Variants in FLII observed in about 807,000 individuals in gnomAD.
FLII encodes the protein FLII actin remodeling protein, also known as protein flightless-1 homolog.
A neutral mutation model predicts 156.2 loss-of-function variants in FLII; 101 were observed. The observed-to-expected ratio is 0.65, with a 90% CI of 0.55 to 0.76. The LOEUF (loss-of-function observed/expected upper bound fraction) is 0.76. Ranked by LOEUF, FLII falls within the 30% of genes least tolerant of loss-of-function variation. The pLI is 0.00. For missense variants in FLII, 1,675 were observed against 1,682.8 expected, an observed-to-expected ratio of 1.00 and a Z score of 0.08; for synonymous variants, 767 against 685.8, an observed-to-expected ratio of 1.12 and a Z score of -1.85.
Position 18,246,607 on chromosome 17 carries a change from G to A in FLII, c.3038C>T (p.Pro1013Leu), listed in dbSNP as rs1567705494. Reference sequence around the variant, plus strand: ...TGCCAGGCACACCTCCAGCTTCCCAGGGAAGAGGCTCTCGAACTTCTTTTG... The same window carrying A: ...TGCCAGGCACACCTCCAGCTTCCCAAGGAAGAGGCTCTCGAACTTCTTTTG... ...SLQKKFESLF[P>L]GKLEVVRMTQ... is the part of the protein sequence containing the mutation. The change falls in exon 23 of 30, where the codon CCT becomes CTT. Residue 1013 changes from proline (P) to leucine (L), a missense_variant. Pro to Leu is a moderately conservative substitution (Grantham distance 98, BLOSUM62 -3). Coordinates refer to ENST00000327031, the MANE Select transcript of FLII (RefSeq NM_002018.4). 6.2e-7 allele frequency: 1 copy of A among 1,613,958 alleles called. No individual in the cohort carries two copies. The highest frequency in any genetic ancestry group is 1.1e-5 in the South Asian group (1 of 91,064).
chr17:18,252,646 G>A (rs2048305378), intron 9 of FLII, 90 bp from the exon 10 acceptor site: 2 of 1,026,970 alleles, frequency 1.9e-6, no homozygotes, highest in Admixed American at 1.7e-5. Flanking sequence ...AGGGGAGGCA[G>A]GTAGGGTCAG....
In FLII at chr17:18,251,713, T is replaced by C; in HGVS notation, c.1350A>G (p.Ser450=). ...DQAKQVLKGM[S]DVAQEKNKKQ... Reference sequence around the variant, plus strand: ...TTTTGTTCTTCTCCTGGGCAACATCTGACATGCCCTTCAGCACCTGCTTGG... The same window carrying C: ...TTTTGTTCTTCTCCTGGGCAACATCCGACATGCCCTTCAGCACCTGCTTGG... The change falls in exon 12 of 30, where the codon TCA becomes TCG. Residue 450 remains serine (S), a synonymous_variant. Coordinates refer to ENST00000327031, the MANE Select transcript of FLII (RefSeq NM_002018.4). 1 of 1,614,046 alleles carries C rather than the reference T, an allele frequency of 6.2e-7. No homozygotes were observed. Among genetic ancestry groups the C allele is most frequent in the Non-Finnish European group, 8.5e-7 (1 of 1,180,020 alleles).
At chr17:18,255,561 G>A (rs960577338) in intron 3 of FLII, among the ~76,000 whole-genome samples, 6 of 152,170 alleles carry the variant, frequency 3.9e-5, no homozygotes, top group Non-Finnish European at 7.3e-5. Flanking sequence ...AGGTGAGATA[G>A]GGGTAAGGTC....
Position 18,246,530 on chromosome 17 carries a change from G to T in FLII, c.3051+64C>A, listed in dbSNP as rs748231034. The stretch of plus-strand genomic sequence containing the variant: ...CCTGCCCCTCGGGAGCCTAACCTTC[G>T]CTGGGTCTGAGCCCCACCACACCCC... On this transcript the variant is annotated intron_variant, in intron 23 of 29. Transcript: ENST00000327031. 4 of 1,611,474 alleles carry T rather than the reference G, an allele frequency of 2.5e-6. No individual in the cohort carries two copies. The African/African-American group carries it at 4.0e-5, about 16-fold the overall frequency.
intron 14 of FLII, 74 bp from the exon 15 acceptor site, chr17:18,249,482 G>C (rs749977009): frequency 1.0e-4 from 116 of 1,159,724 alleles, no homozygotes; most frequent in Non-Finnish European, 1.5e-4. Flanking sequence ...CTCAGGTGGG[G>C]GTACAGAGTT....
At chr17:18,253,244 G>T in intron 9 of FLII, 57 bp downstream of exon 9, 2 of 1,593,234 alleles carry the variant, frequency 1.3e-6, no homozygotes, top group Non-Finnish European at 1.7e-6. Context: ...CTCTGACTAC[G>T]ATCCCGGGGT....
At position 18,253,392 on chromosome 17, in the gene FLII, C is replaced by T. The variant is rs780129321; in HGVS notation, c.922G>A (p.Gly308Arg). Residue 308 changes from glycine (G) to arginine (R), a missense_variant, in exon 9 of 30, where the codon GGG becomes AGG. Gly to Arg is a moderately radical substitution (Grantham distance 125, BLOSUM62 -2). Around this residue, in one of 2 missense-constraint regions of FLII, gnomAD observed 343 missense variants for 413.5 expected, o/e 0.83. Transcript: ENST00000327031. ...YLNSNKLDFD[G>R]LPSGIGKLTN... ...AGCTTGCCAATGCCTGAGGGCAGCCCGTCAAAGTCCAGCTTGTTGGAATTC... is the reference window on the plus strand; with the variant it reads ...AGCTTGCCAATGCCTGAGGGCAGCCTGTCAAAGTCCAGCTTGTTGGAATTC... 4.3e-6 allele frequency: 7 copies of T among 1,613,882 alleles called. No individual in the cohort carries two copies. The highest frequency in any genetic ancestry group is 1.1e-5 in the South Asian group (1 of 91,076).
intron 3 of FLII, among the ~76,000 whole-genome samples, chr17:18,255,926 C>T (rs891815234): frequency 6.6e-6 from 1 of 152,228 alleles, no homozygotes; most frequent in Non-Finnish European, 1.5e-5. Flanking sequence ...GTGGCAAAGC[C>T]CAGCTTTGAA....
Position 18,245,537 on chromosome 17 carries a change from C to G in FLII, c.3609+18G>C, listed in dbSNP as rs756767800. 2.3e-5 allele frequency: 37 copies of G among 1,612,048 alleles called. 1 individual carries two copies. The South Asian group carries it at 3.6e-4, about 16-fold the overall frequency. ...TGGGCGCCTCCTTGGATGGGCAGGG[C>G]TAGTGGCAACATCACACCTCTTGGC... On this transcript the variant is annotated intron_variant, in intron 28 of 29. Transcript: ENST00000327031.
At position 18,251,425 on chromosome 17, in the gene FLII, C is replaced by T; in HGVS notation, c.1436G>A (p.Gly479Asp). 1.2e-6 allele frequency: 2 copies of T among 1,612,806 alleles called. No individual in the cohort carries two copies. Among genetic ancestry groups the T allele is most frequent in the Non-Finnish European group, 1.7e-6 (2 of 1,179,776 alleles). ...PSGKVRRWDQ[G>D]LEKPRLDYSE... ...GTAGTCAAGGCGGGGCTTCTCCAGG[C>T]CCTGGTCCCAACGCCGCACCTTCCC... The change falls in exon 13 of 30, where the codon GGC becomes GAC. Residue 479 changes from glycine (G) to aspartate (D), a missense_variant. Physicochemically the swap from Gly to Asp is moderately conservative, Grantham distance 94. This residue lies in a region of FLII where 1,332 missense variants were observed against 1,269.3 expected (regional missense o/e 1.05). Coordinates refer to ENST00000327031, the MANE Select transcript of FLII (RefSeq NM_002018.4).
chr17:18,258,700 C>T lies in FLII; in HGVS notation c.-10G>A. 1 of 1,477,874 alleles carries T rather than the reference C, an allele frequency of 6.8e-7. No individual in the cohort carries two copies. The highest frequency in any genetic ancestry group is 8.9e-7 in the Non-Finnish European group (1 of 1,120,816). 91.5% of individuals were successfully genotyped at this position (1,477,874 alleles called of 1,614,324 possible). On this transcript the variant is annotated 5_prime_UTR_variant, in exon 1 of 30. Transcript: ENST00000327031. This position sits in a 1 kb window ranked among gnomAD's most constrained non-coding sequence, Gnocchi z 4.2. ...CCCCGGTGGCCTCCATGGCGCCGCT[C>T]TCGCTGCCGGGCCGCGCCGGGCTAG...
chr17:18,249,265 C>A, intron 15 of FLII, 61 bp downstream of exon 15: 1 of 1,609,658 alleles, frequency 6.2e-7, no homozygotes, highest in South Asian at 1.1e-5. Context: ...CCAACACCCT[C>A]CCCTCCACCC....
At position 18,248,704 on chromosome 17, in the gene FLII, AT is replaced by A; in HGVS notation, c.2035del (p.Ile679LeufsTer81). ...CTTCCCTTTCCGCTCATTCTTGTTA[AT>A]TTTCTCTGCAAAGAGCCTGAGAGCA... ...TTKARLFAEKINKNERKGKAE... is the reference protein window; with the variant it reads ...TTKARLFAEKXNKNERKGKAE... On this transcript the variant is annotated frameshift_variant, in exon 18 of 30. Coordinates refer to ENST00000327031, the MANE Select transcript of FLII (RefSeq NM_002018.4). LOFTEE classifies it high-confidence loss of function. The A allele has an allele frequency of 6.2e-7, 1 of 1,613,390 alleles. No individual in the cohort carries two copies. The highest frequency in any genetic ancestry group is 8.5e-7 in the Non-Finnish European group (1 of 1,179,576).
At chr17:18,252,293 G>T in intron 10 of FLII, 147 bp from the exon 11 acceptor site, 4 of 922,476 alleles carry the variant, frequency 4.3e-6, no homozygotes, top group Non-Finnish European at 6.7e-6. Context: ...GGGGCTGGCT[G>T]GGGGCTTAAA....
At position 18,258,615 on chromosome 17, in the gene FLII, C is replaced by T. The variant is rs901808779; in HGVS notation, c.63+13G>A. The T allele has an allele frequency of 6.4e-7, 1 of 1,553,074 alleles. No homozygotes were observed. ...CCTGCAGGGAGGCCCGGCACGCGCCCGGCCCGGCTCACCTTGAAGTCGTTG... is the reference window on the plus strand; with the variant it reads ...CCTGCAGGGAGGCCCGGCACGCGCCTGGCCCGGCTCACCTTGAAGTCGTTG... On this transcript the variant is annotated intron_variant, in intron 1 of 29. Transcript: ENST00000327031. The surrounding 1 kb of genome is among the most constrained non-coding windows in gnomAD (Gnocchi z 4.2).
intron 20 of FLII, 118 bp from the exon 21 acceptor site, chr17:18,247,475 G>A: frequency 3.5e-6 from 4 of 1,142,030 alleles, no homozygotes; most frequent in Non-Finnish European, 5.0e-6. Context: ...GGGAGGCGGG[G>A]CCTCGGACAC....
chr17:18,249,528 G>T, intron 14 of FLII, 120 bp from the exon 15 acceptor site: 1 of 738,814 alleles, frequency 1.4e-6, no homozygotes, highest in Non-Finnish European at 2.3e-6. Context: ...AATCTATGAT[G>T]CCTGTAATCC....
chr17:18,257,114 C>G (rs1204185188), intron 1 of FLII, 95 bp from the exon 2 acceptor site: 2 of 690,964 alleles, frequency 2.9e-6, no homozygotes, highest in South Asian at 3.6e-5. Context: ...GCCACAGAAC[C>G]AACTCTCACC....
chr17:18,246,616 C>A lies in FLII; in HGVS notation c.3029G>T (p.Ser1010Ile), dbSNP rs2048066116. Residue 1010 changes from serine (S) to isoleucine (I), a missense_variant, in exon 23 of 30, where the codon AGC becomes ATC. Around this residue, in one of 2 missense-constraint regions of FLII, gnomAD observed 1,332 missense variants for 1,269.3 expected, o/e 1.05. Coordinates refer to ENST00000327031, the MANE Select transcript of FLII (RefSeq NM_002018.4). ...CACCTCCAGCTTCCCAGGGAAGAGG[C>A]TCTCGAACTTCTTTTGCAGGCTGAA... ...FTFSLQKKFE[S>I]LFPGKLEVVR... 6.2e-7 allele frequency: 1 copy of A among 1,613,908 alleles called. No individual in the cohort carries two copies. Among genetic ancestry groups the A allele is most frequent in the South Asian group, 1.1e-5 (1 of 91,066 alleles).
Sources: gnomAD v4.1 joint callset for allele counts (sites outside exome capture counted in the v4.1 genomes callset) on GRCh38, gnomAD v4.1.1 for gene constraint, gnomAD v4.1.1 regional missense constraint, Gnocchi (gnomAD v3.1) non-coding constraint, MANE v1.5 for transcripts, NCBI Gene and HGNC (gene_info 2026-07-23, HGNC 2026-07-21) for gene names.